The following TMEM178B variants were observed in gnomAD, a reference collection of about 807,000 sequenced individuals.
TMEM178B encodes the protein transmembrane protein 178B.
Under a neutral mutation model 31.0 loss-of-function variants are expected in TMEM178B, and 5 were observed. The observed-to-expected ratio is 0.16, with a 90% CI of 0.08 to 0.34. The LOEUF (loss-of-function observed/expected upper bound fraction) is 0.34, where lower values mean the gene tolerates loss of function less well. Ranked by LOEUF, TMEM178B falls within the 10% of genes least tolerant of loss-of-function variation. The pLI, the probability that TMEM178B is intolerant of heterozygous loss-of-function variation, is 1.00. For synonymous variants in TMEM178B, 164 were observed against 164.0 expected (o/e 1.00, Z 0.00); for missense variants, 275 against 400.3 (o/e 0.69, Z 2.67).
intron 2 of TMEM178B, among the ~76,000 whole-genome samples, chr7:141,411,013 A>C (rs556108067): frequency 6.6e-6 from 1 of 152,120 alleles, no homozygotes; most frequent in Non-Finnish European, 1.5e-5. Context: ...GGTTGAATGC[A>C]TAGAGAAATT....
At chr7:141,411,781 A>AT (rs1359909391) in intron 2 of TMEM178B, among the ~76,000 whole-genome samples, 1 of 152,174 alleles carries the variant, frequency 6.6e-6, no homozygotes, top group Non-Finnish European at 1.5e-5. Flanking sequence ...AACGGTTGAC[A>AT]TTTTTCTTAC....
intron 1 of TMEM178B, among the ~76,000 whole-genome samples, chr7:141,212,156 C>T (rs901944193): frequency 5.3e-5 from 8 of 152,222 alleles, no homozygotes; most frequent in African/African-American, 1.9e-4. Context: ...AGGCCCCCAC[C>T]CACCATTCCC....
At chr7:141,369,943 A>C (rs73739815) in intron 2 of TMEM178B, among the ~76,000 whole-genome samples, 22,713 of 152,188 alleles carry the variant, frequency 0.15, 1,847 homozygotes, top group South Asian at 0.21. Context: ...CAACAAGGAA[A>C]AAATTGCTGC....
At chr7:141,075,260 A>G (rs1794584251) in intron 1 of TMEM178B, among the ~76,000 whole-genome samples, 1 of 152,198 alleles carries the variant, frequency 6.6e-6, no homozygotes, top group African/African-American at 2.4e-5. Context: ...GCAGCATCAT[A>G]TCACAATTCT....
chr7:141,159,130 C>A (rs1796124863), intron 1 of TMEM178B, among the ~76,000 whole-genome samples: 1 of 152,088 alleles, frequency 6.6e-6, no homozygotes, highest in Non-Finnish European at 1.5e-5. Context: ...CCTGTTCTAT[C>A]CCCATCTGAT....
At chr7:141,264,542 T>C (rs1334974236) in intron 2 of TMEM178B, among the ~76,000 whole-genome samples, 2 of 152,166 alleles carry the variant, frequency 1.3e-5, no homozygotes, top group African/African-American at 4.8e-5. Context: ...AGGGATCCGC[T>C]ATGAAGAAGT....
intron 2 of TMEM178B, among the ~76,000 whole-genome samples, chr7:141,300,015 C>T (rs2116439239): frequency 6.6e-6 from 1 of 152,252 alleles, no homozygotes; most frequent in South Asian, 2.1e-4. Flanking sequence ...AACTTCTGGC[C>T]TCAAGTGATC....
chr7:141,122,016 A>G (rs1795415859), intron 1 of TMEM178B, among the ~76,000 whole-genome samples: 1 of 151,828 alleles, frequency 6.6e-6, no homozygotes, highest in African/African-American at 2.4e-5. Context: ...CTTTCCTTCC[A>G]TTGGTAGATT....
At chr7:141,238,463 G>A (rs1310459209) in intron 2 of TMEM178B, among the ~76,000 whole-genome samples, 3 of 152,148 alleles carry the variant, frequency 2.0e-5, no homozygotes. Context: ...TCTTAACTGT[G>A]TGTAACCTAC....
chr7:141,368,715 G>T (rs1227247720), intron 2 of TMEM178B, among the ~76,000 whole-genome samples: 1 of 152,158 alleles, frequency 6.6e-6, no homozygotes, highest in Non-Finnish European at 1.5e-5. Flanking sequence ...TAGAAATCCT[G>T]GAAGTAAAAG....
chr7:141,368,757 G>A (rs938510547), intron 2 of TMEM178B, among the ~76,000 whole-genome samples: 31 of 152,188 alleles, frequency 2.0e-4, no homozygotes, highest in Admixed American at 1.9e-3. Flanking sequence ...GATACATATT[G>A]TTAGATTGCT....
rs568601389 is a variant in TMEM178B at position 141,346,494 on chromosome 7, A to G, written c.497-91114A>G. 1.3e-3 allele frequency among the ~76,000 whole-genome samples: 192 copies of G among 152,304 alleles called. 4 individuals are homozygous for G. In the South Asian group the frequency reaches 0.039, roughly 31 times the overall value. On this transcript the variant is annotated intron_variant, in intron 2 of 3. Transcript: ENST00000565468. ...TACCTTCAGGGCTTGACTTATAGTC[A>G]GCTTTGTGTAAGATTTGTTAGGACC...
intron 2 of TMEM178B, among the ~76,000 whole-genome samples, chr7:141,398,778 G>A (rs537950282): frequency 8.0e-4 from 122 of 152,250 alleles, no homozygotes; most frequent in African/African-American, 2.6e-3. Context: ...TTGCCCAACC[G>A]TCTCCGTCTA....
At chr7:141,094,581 G>A (rs186408447) in intron 1 of TMEM178B, among the ~76,000 whole-genome samples, 6 of 152,284 alleles carry the variant, frequency 3.9e-5, no homozygotes, top group Admixed American at 2.6e-4. Flanking sequence ...AATGTGACAC[G>A]CTGTGTCTTG....
chr7:141,301,442 T>G (rs1225441193), intron 2 of TMEM178B, among the ~76,000 whole-genome samples: 2 of 152,212 alleles, frequency 1.3e-5, no homozygotes, highest in Non-Finnish European at 2.9e-5. Flanking sequence ...GTTCTACTGC[T>G]GGGTGGGTGA....
chr7:141,268,006 G>C (rs575350340), intron 2 of TMEM178B, among the ~76,000 whole-genome samples: 2 of 152,208 alleles, frequency 1.3e-5, no homozygotes, highest in Non-Finnish European at 2.9e-5. Flanking sequence ...TGTCTCCCAT[G>C]CCACTCTGCT....
intron 2 of TMEM178B, among the ~76,000 whole-genome samples, chr7:141,406,231 C>G (rs905179297): frequency 6.6e-6 from 1 of 152,186 alleles, no homozygotes; most frequent in African/African-American, 2.4e-5. Context: ...AGGAAGGTCC[C>G]TGGCTCTGGC....
intron 2 of TMEM178B, among the ~76,000 whole-genome samples, chr7:141,387,829 C>G (rs548630467): frequency 1.3e-5 from 2 of 152,298 alleles, no homozygotes; most frequent in South Asian, 4.1e-4. Context: ...CACTCTTGCT[C>G]TGTTCTTCTG....
intron 2 of TMEM178B, among the ~76,000 whole-genome samples, chr7:141,350,033 A>G (rs1406083458): frequency 6.6e-6 from 1 of 152,006 alleles, no homozygotes; most frequent in Non-Finnish European, 1.5e-5. Context: ...CTGTCCATCC[A>G]TCCATCTATC....
Sources: gnomAD v4.1 joint callset for allele counts (sites outside exome capture counted in the v4.1 genomes callset) on GRCh38, gnomAD v4.1.1 for gene constraint, MANE v1.5 for transcripts, NCBI Gene and HGNC (gene_info 2026-07-23, HGNC 2026-07-21) for gene names.